Variants in AKAP6 observed in about 807,000 individuals in gnomAD.
AKAP6 encodes the protein A-kinase anchoring protein 6, also known as A-kinase anchor protein 6.
A neutral mutation model predicts 188.5 loss-of-function variants in AKAP6; 58 were observed. The ratio of observed to expected loss-of-function variants is 0.31; its 90% CI spans 0.25 to 0.38. The LOEUF is 0.38. AKAP6 is among the 10% of genes least tolerant of loss of function. AKAP6 has a pLI of 1.00. For missense variants in AKAP6, 2,710 were observed against 2,740.0 expected (o/e 0.99, Z 0.24); for synonymous variants, 989 against 998.6 (o/e 0.99, Z 0.18).
intron 2 of AKAP6, among the ~76,000 whole-genome samples, chr14:32,476,972 TTCAAAGG>T (rs1455548583): frequency 6.6e-6 from 1 of 152,162 alleles, no homozygotes; most frequent in Non-Finnish European, 1.5e-5. Context: ...CATAGATAGA[TTCAAAGG>T]TTTCCTGATT....
intron 4 of AKAP6, among the ~76,000 whole-genome samples, chr14:32,554,525 G>A (rs979314606): frequency 1.4e-4 from 21 of 152,166 alleles, no homozygotes; most frequent in Admixed American, 1.0e-3. Context: ...TTCCAGCTGG[G>A]ATGCCAGAGC....
intron 2 of AKAP6, among the ~76,000 whole-genome samples, chr14:32,486,581 G>A (rs1879708718): frequency 6.6e-6 from 1 of 152,132 alleles, no homozygotes. Flanking sequence ...TGTAGCAATT[G>A]TGAATGGGAG....
At chr14:32,402,531 A>G (rs1263106879) in intron 1 of AKAP6, among the ~76,000 whole-genome samples, 1 of 152,124 alleles carries the variant, frequency 6.6e-6, no homozygotes, top group Non-Finnish European at 1.5e-5. Context: ...GCCTTGCCTG[A>G]CAACCCAAGC....
intron 2 of AKAP6, among the ~76,000 whole-genome samples, chr14:32,517,904 G>A (rs1439300261): frequency 1.3e-5 from 2 of 152,212 alleles, no homozygotes; most frequent in African/African-American, 2.4e-5. Context: ...TCCTCAAGTG[G>A]GTCCCTGACG....
intron 7 of AKAP6, among the ~76,000 whole-genome samples, chr14:32,672,438 T>A (rs1386839421): frequency 6.6e-6 from 1 of 152,154 alleles, no homozygotes. Context: ...CAGGTTTGAT[T>A]TCAGGTGAAG....
chr14:32,579,093 T>A (rs903860489), intron 5 of AKAP6, among the ~76,000 whole-genome samples: 1 of 152,294 alleles, frequency 6.6e-6, no homozygotes, highest in African/African-American at 2.4e-5. Flanking sequence ...TTACTTGACA[T>A]ATTTAAATTT....
intron 2 of AKAP6, among the ~76,000 whole-genome samples, chr14:32,463,843 C>T (rs1312930710): frequency 6.6e-6 from 1 of 151,972 alleles, no homozygotes; most frequent in Non-Finnish European, 1.5e-5. Context: ...ACATAGACTG[C>T]TAGCAAGACT....
At chr14:32,780,245 A>C (rs1448886770) in intron 12 of AKAP6, among the ~76,000 whole-genome samples, 1 of 151,642 alleles carries the variant, frequency 6.6e-6, no homozygotes, top group Admixed American at 6.6e-5. Context: ...CTATTGGTGA[A>C]AACATGGATG....
In AKAP6 at chr14:32,834,076, A is replaced by G. The variant is rs567670723; in HGVS notation, c.*4271A>G. 3.9e-5 allele frequency: 6 copies of G among 152,352 alleles called. No homozygotes were observed. The highest frequency in any genetic ancestry group is 1.4e-4 in the African/African-American group (6 of 41,584). 9.4% of individuals were successfully genotyped at this position (152,352 alleles called of 1,614,324 possible). On this transcript the variant is annotated 3_prime_UTR_variant, in exon 14 of 14. Transcript: ENST00000280979. Reference sequence around the variant, plus strand: ...AACATGGGTATTCTTCTGCAAGTCTACAATACCATCTTCATACTCAAGAAA... The same window carrying G: ...AACATGGGTATTCTTCTGCAAGTCTGCAATACCATCTTCATACTCAAGAAA...
intron 9 of AKAP6, among the ~76,000 whole-genome samples, chr14:32,699,061 C>A (rs894408334): frequency 2.0e-5 from 3 of 152,070 alleles, no homozygotes; most frequent in African/African-American, 7.2e-5. Flanking sequence ...AGGTTGATCC[C>A]CAAGGTATGT....
chr14:32,638,997 A>G (rs1046148775), intron 7 of AKAP6, among the ~76,000 whole-genome samples: 9 of 152,106 alleles, frequency 5.9e-5, no homozygotes, highest in African/African-American at 2.2e-4. Flanking sequence ...TGAGATAGCA[A>G]TAACACTTCC....
At chr14:32,448,197 C>G (rs1193758263) in intron 2 of AKAP6, among the ~76,000 whole-genome samples, 1 of 152,172 alleles carries the variant, frequency 6.6e-6, no homozygotes, top group Non-Finnish European at 1.5e-5. Flanking sequence ...GCCTCCCTTT[C>G]CTGGGTCTCA....
At chr14:32,382,129 C>T (rs1294037811) in intron 1 of AKAP6, among the ~76,000 whole-genome samples, 1 of 152,176 alleles carries the variant, frequency 6.6e-6, no homozygotes, top group African/African-American at 2.4e-5. Flanking sequence ...ACATTGGTTT[C>T]CCTTTCTGTC....
intron 3 of AKAP6, among the ~76,000 whole-genome samples, chr14:32,540,672 A>G (rs1394887178): frequency 2.0e-5 from 3 of 152,210 alleles, no homozygotes; most frequent in African/African-American, 4.8e-5. Flanking sequence ...TATTATGTAT[A>G]CACGTTAGAA....
chr14:32,645,203 A>G (rs1887933995), intron 7 of AKAP6, among the ~76,000 whole-genome samples: 1 of 152,212 alleles, frequency 6.6e-6, no homozygotes, highest in Admixed American at 6.5e-5. Context: ...TAAAAACCCA[A>G]TAATTTTTTG....
intron 11 of AKAP6, among the ~76,000 whole-genome samples, chr14:32,772,868 G>T (rs1426927148): frequency 6.6e-6 from 1 of 152,128 alleles, no homozygotes; most frequent in African/African-American, 2.4e-5. Flanking sequence ...TGAAGGCTCC[G>T]AATTAGAATA....
At chr14:32,619,480 G>A (rs979945072) in intron 7 of AKAP6, among the ~76,000 whole-genome samples, 1 of 152,104 alleles carries the variant, frequency 6.6e-6, no homozygotes, top group Non-Finnish European at 1.5e-5. Flanking sequence ...TCAGTTGGTT[G>A]TAAGTATTTG....
At chr14:32,466,039 C>G (rs886841623) in intron 2 of AKAP6, among the ~76,000 whole-genome samples, 2 of 152,188 alleles carry the variant, frequency 1.3e-5, no homozygotes, top group Non-Finnish European at 2.9e-5. Flanking sequence ...CCACCTCACA[C>G]CAGTTAGAAT....
At chr14:32,704,902 T>G (rs760595337) in intron 9 of AKAP6, among the ~76,000 whole-genome samples, 1 of 152,172 alleles carries the variant, frequency 6.6e-6, no homozygotes, top group African/African-American at 2.4e-5. Context: ...TTTTTATAGT[T>G]TATTAGAACT....
Sources: allele counts gnomAD v4.1 joint callset (sites outside exome capture counted in the v4.1 genomes callset), GRCh38; gene constraint gnomAD v4.1.1; transcripts MANE v1.5; gene names NCBI Gene and HGNC (gene_info 2026-07-23, HGNC 2026-07-21).